ADARB2: variants seen among roughly 807,000 people sequenced by gnomAD.
ADARB2 encodes adenosine deaminase RNA specific B2 (inactive), also known as inactive double-stranded RNA-specific editase B2.
In ADARB2, 25 loss-of-function variants were observed where a neutral mutation model predicts 62.2. That is an observed-to-expected ratio of 0.40 (90% CI 0.29 to 0.56). The LOEUF is 0.56. Among genes scored for constraint, ADARB2 ranks in the 20% least tolerant of loss-of-function variants. The probability of loss-of-function intolerance (pLI) is 0.43; values close to 1 mark genes in which losing one functional copy is unlikely to be tolerated. For missense variants in ADARB2, 1,071 were observed against 1,077.4 expected (o/e 0.99, Z 0.08); for synonymous variants, 572 against 500.8 (o/e 1.14, Z -1.90).
intron 1 of ADARB2, among the ~76,000 whole-genome samples, chr10:1,596,609 C>G (rs1833339349): frequency 1.3e-5 from 2 of 152,168 alleles, no homozygotes; most frequent in South Asian, 4.1e-4. Flanking sequence ...CCTGCAGGGG[C>G]TGGGGAGGTG....
intron 4 of ADARB2, among the ~76,000 whole-genome samples, chr10:1,243,041 A>C (rs181916988): frequency 6.6e-6 from 1 of 152,348 alleles, no homozygotes. Flanking sequence ...TTTTCTCTGC[A>C]CTTAGATGGT....
intron 1 of ADARB2, among the ~76,000 whole-genome samples, chr10:1,396,834 TGGAGGCTTCCTGGGTCACCATCAGC>T (rs1832620035): frequency 9.7e-6 from 1 of 102,914 alleles, no homozygotes; most frequent in Non-Finnish European, 2.0e-5. Flanking sequence ...CCCTCCCGAG[TGGAGGCTTCCTGGGTCACCATCAGC>T]CTCTCCCCTC....
At chr10:1,387,864 A>G (rs374707406) in intron 1 of ADARB2, among the ~76,000 whole-genome samples, 7 of 152,192 alleles carry the variant, frequency 4.6e-5, no homozygotes, top group South Asian at 4.1e-4. Context: ...TAGCAAATCA[A>G]GTTCATCCCT....
chr10:1,298,065 C>T (rs1437472090), intron 3 of ADARB2, among the ~76,000 whole-genome samples: 1 of 152,244 alleles, frequency 6.6e-6, no homozygotes, highest in Non-Finnish European at 1.5e-5. Flanking sequence ...ACTTCCCTCC[C>T]TCCTATTTGA....
intron 1 of ADARB2, among the ~76,000 whole-genome samples, chr10:1,715,758 C>A (rs1049123203): frequency 1.3e-5 from 2 of 152,252 alleles, no homozygotes; most frequent in African/African-American, 4.8e-5. Context: ...CAGCTGGTGC[C>A]GCTGAGGAAG....
At chr10:1,669,592 A>G (rs1834356003) in intron 1 of ADARB2, among the ~76,000 whole-genome samples, 1 of 151,714 alleles carries the variant, frequency 6.6e-6, no homozygotes. Context: ...TCACTCACAA[A>G]CACAGACACA....
intron 4 of ADARB2, among the ~76,000 whole-genome samples, chr10:1,257,210 G>A (rs1027943841): frequency 7.2e-5 from 11 of 152,158 alleles, no homozygotes; most frequent in Non-Finnish European, 1.5e-4. Flanking sequence ...TGGCTGGTTA[G>A]TTAGAGCACC....
chr10:1,692,282 G>A (rs1343997603), intron 1 of ADARB2, among the ~76,000 whole-genome samples: 1 of 152,172 alleles, frequency 6.6e-6, no homozygotes, highest in Non-Finnish European at 1.5e-5. Flanking sequence ...GGTTTAATTT[G>A]TGCAGGAGTT....
chr10:1,297,431 G>C (rs1831533019), intron 3 of ADARB2, among the ~76,000 whole-genome samples: 1 of 152,166 alleles, frequency 6.6e-6, no homozygotes, highest in African/African-American at 2.4e-5. Context: ...CCGTTGAAAT[G>C]GTACCTGCTT....
intron 9 of ADARB2, 151 bp downstream of exon 9, chr10:1,184,710 C>T (rs1205732911): frequency 2.2e-6 from 2 of 906,028 alleles, no homozygotes; most frequent in Non-Finnish European, 3.2e-6. Flanking sequence ...CGCTGCTGGC[C>T]TGGGCAGCTG....
At chr10:1,643,145 T>G (rs1833999042) in intron 1 of ADARB2, among the ~76,000 whole-genome samples, 1 of 152,150 alleles carries the variant, frequency 6.6e-6, no homozygotes, top group Non-Finnish European at 1.5e-5. Flanking sequence ...AATTTAAAAC[T>G]CATCTCTAAT....
At chr10:1,495,704 CTTA>C (rs1467281047) in intron 1 of ADARB2, among the ~76,000 whole-genome samples, 1 of 152,016 alleles carries the variant, frequency 6.6e-6, no homozygotes, top group African/African-American at 2.4e-5. Flanking sequence ...TGTCACCATA[CTTA>C]TTAATATAAT....
chr10:1,502,544 T>C (rs1349537703), intron 1 of ADARB2, among the ~76,000 whole-genome samples: 1 of 152,232 alleles, frequency 6.6e-6, no homozygotes, highest in Non-Finnish European at 1.5e-5. Flanking sequence ...GCAAATCTAC[T>C]AAATTTACTT....
intron 1 of ADARB2, among the ~76,000 whole-genome samples, chr10:1,442,487 AC>A (rs1830918379): frequency 6.6e-6 from 1 of 152,252 alleles, no homozygotes; most frequent in African/African-American, 2.4e-5. Flanking sequence ...AACTGAAAAA[AC>A]AAAAACATCC....
chr10:1,274,748 T>A (rs1308379253), intron 3 of ADARB2, among the ~76,000 whole-genome samples: 1 of 152,198 alleles, frequency 6.6e-6, no homozygotes, highest in Non-Finnish European at 1.5e-5. Flanking sequence ...TTATCCTTTT[T>A]AGCTATTGAA....
intron 4 of ADARB2, among the ~76,000 whole-genome samples, chr10:1,252,952 T>C (rs1831049103): frequency 6.6e-6 from 1 of 152,178 alleles, no homozygotes; most frequent in South Asian, 2.1e-4. Context: ...ACAAGTTATG[T>C]GTAAATGTTT....
intron 1 of ADARB2, among the ~76,000 whole-genome samples, chr10:1,582,020 A>G (rs1833109397): frequency 1.3e-5 from 2 of 152,224 alleles, no homozygotes. Context: ...CTCGAGCTGC[A>G]TAAACAGCAC....
chr10:1,630,138 T>G (rs1003805461), intron 1 of ADARB2, among the ~76,000 whole-genome samples: 5 of 152,170 alleles, frequency 3.3e-5, no homozygotes, highest in African/African-American at 1.2e-4. Context: ...GAGTGTTTCA[T>G]CTTAGAAATA....
chr10:1,649,209 A>G (rs1834081406), intron 1 of ADARB2, among the ~76,000 whole-genome samples: 1 of 152,154 alleles, frequency 6.6e-6, no homozygotes, highest in African/African-American at 2.4e-5. Flanking sequence ...CAGAAAAAAA[A>G]GAAGGATGAT....
Sources: allele counts gnomAD v4.1 joint callset (sites outside exome capture counted in the v4.1 genomes callset), GRCh38; gene constraint gnomAD v4.1.1; transcripts MANE v1.5; gene names NCBI Gene and HGNC (gene_info 2026-07-23, HGNC 2026-07-21).